Variants in MMP16 observed in about 807,000 individuals in gnomAD.
The protein encoded by MMP16 is matrix metalloproteinase-16.
MMP16 carries 12 observed loss-of-function variants against 67.8 expected under a neutral mutation model. The observed-to-expected ratio is 0.18, with a 90% confidence interval of 0.11 to 0.29. MMP16 has a LOEUF of 0.29. Among genes scored for constraint, MMP16 ranks in the 10% least tolerant of loss-of-function variants. The pLI is 1.00. For missense variants in MMP16, 475 were observed against 765.7 expected (o/e 0.62, Z 4.48); for synonymous variants, 249 against 255.9 (o/e 0.97, Z 0.26).
At chr8:88,158,601 C>A (rs1435496355) in intron 4 of MMP16, among the ~76,000 whole-genome samples, 2 of 152,050 alleles carry the variant, frequency 1.3e-5, no homozygotes, top group African/African-American at 2.4e-5. Context: ...AAAATTTTCT[C>A]CCATTCTGTA....
At chr8:88,157,574 G>A (rs1457267086) in intron 4 of MMP16, among the ~76,000 whole-genome samples, 1 of 151,934 alleles carries the variant, frequency 6.6e-6, no homozygotes, top group Non-Finnish European at 1.5e-5. Context: ...GTCTCTGATA[G>A]AGTGTTTAGA....
chr8:88,149,212 A>G (rs184396650), intron 4 of MMP16, among the ~76,000 whole-genome samples: 13 of 152,304 alleles, frequency 8.5e-5, no homozygotes, highest in African/African-American at 2.9e-4. Flanking sequence ...AGGGTCCTAC[A>G]CCCACGGAAT....
intron 1 of MMP16, among the ~76,000 whole-genome samples, chr8:88,299,364 T>C (rs1240148081): frequency 1.3e-5 from 2 of 152,152 alleles, no homozygotes; most frequent in Non-Finnish European, 2.9e-5. Context: ...TAATTAATGC[T>C]AGCATCGTAT....
chr8:88,046,940 G>A (rs1432719574), intron 8 of MMP16, among the ~76,000 whole-genome samples, 156 bp from the exon 9 acceptor site: 2 of 152,112 alleles, frequency 1.3e-5, no homozygotes, highest in Non-Finnish European at 2.9e-5. Context: ...ACTCCAACTG[G>A]CAAGCTCTTA....
chr8:88,233,552 T>C (rs2129879060), intron 1 of MMP16, among the ~76,000 whole-genome samples: 1 of 152,348 alleles, frequency 6.6e-6, no homozygotes, highest in East Asian at 1.9e-4. Flanking sequence ...GATGCAAGTC[T>C]GATTCCACTA....
rs186888873 is a variant in MMP16, at chr8:88,156,605, C to T, written c.709+11064G>A. Among the ~76,000 whole-genome samples the T allele has an allele frequency of 1.0e-3, 153 of 151,834 alleles. 1 individual carries two copies. The highest frequency in any genetic ancestry group is 1.5e-3 in the Non-Finnish European group (105 of 67,910). On this transcript the variant is annotated intron_variant, in intron 4 of 9. Coordinates refer to ENST00000286614, the MANE Select transcript of MMP16 (RefSeq NM_005941.5). ...GTTTGATAGTGGTATGGTTGTAATT[C>T]TGCAAAAAAAAGTTACAAAACTAAA...
At chr8:88,309,810 C>A (rs1212443577) in intron 1 of MMP16, among the ~76,000 whole-genome samples, 1 of 152,052 alleles carries the variant, frequency 6.6e-6, no homozygotes, top group Non-Finnish European at 1.5e-5. Flanking sequence ...ATATATTTAA[C>A]ATTTATTGAG....
intron 1 of MMP16, among the ~76,000 whole-genome samples, chr8:88,275,357 G>A (rs184633907): frequency 6.6e-6 from 1 of 152,062 alleles, no homozygotes; most frequent in Admixed American, 6.5e-5. Context: ...GTTATATAAT[G>A]CCTTTCCTTA....
At chr8:88,106,231 G>C (rs537993084) in intron 6 of MMP16, among the ~76,000 whole-genome samples, 2 of 150,990 alleles carry the variant, frequency 1.3e-5, no homozygotes, top group African/African-American at 2.4e-5. Context: ...TGTGTATCTG[G>C]GTATACATAG....
chr8:88,090,767 C>A (rs1337758666), intron 6 of MMP16, among the ~76,000 whole-genome samples: 3 of 151,798 alleles, frequency 2.0e-5, no homozygotes, highest in African/African-American at 7.3e-5. Flanking sequence ...TGAAGCTGAA[C>A]AACGAAAACA....
At chr8:88,218,563 T>C (rs985346381) in intron 1 of MMP16, among the ~76,000 whole-genome samples, 3 of 152,052 alleles carry the variant, frequency 2.0e-5, no homozygotes, top group African/African-American at 7.2e-5. Context: ...TGTTTCACAA[T>C]GTATGTTTAT....
At chr8:88,211,234 T>C (rs1279319362) in intron 1 of MMP16, among the ~76,000 whole-genome samples, 1 of 152,120 alleles carries the variant, frequency 6.6e-6, no homozygotes, top group South Asian at 2.1e-4. Context: ...AGGTGGGCCA[T>C]TTTGCTGGAA....
At chr8:88,169,013 T>C (rs1808759499) in intron 3 of MMP16, among the ~76,000 whole-genome samples, 1 of 152,022 alleles carries the variant, frequency 6.6e-6, no homozygotes, top group Admixed American at 6.6e-5. Context: ...AGCTGATAAA[T>C]AAAATATTTA....
intron 1 of MMP16, among the ~76,000 whole-genome samples, chr8:88,261,451 T>A (rs958719441): frequency 6.6e-6 from 1 of 152,062 alleles, no homozygotes; most frequent in African/African-American, 2.4e-5. Flanking sequence ...AATTCTAAAC[T>A]GCAATCCCCT....
chr8:88,234,352 T>G (rs573175626), intron 1 of MMP16, among the ~76,000 whole-genome samples: 5 of 152,296 alleles, frequency 3.3e-5, no homozygotes, highest in African/African-American at 1.2e-4. Flanking sequence ...CCTAAGAATT[T>G]AATAAAAGTT....
chr8:88,312,073 G>A (rs1410899611), intron 1 of MMP16, among the ~76,000 whole-genome samples: 1 of 152,134 alleles, frequency 6.6e-6, no homozygotes, highest in Non-Finnish European at 1.5e-5. Context: ...TAGTGTCAGA[G>A]GAAACACTGA....
intron 4 of MMP16, among the ~76,000 whole-genome samples, chr8:88,142,024 TCTC>T (rs776145718): frequency 1.3e-5 from 2 of 151,856 alleles, no homozygotes; most frequent in Non-Finnish European, 2.9e-5. Context: ...TTCAAGCAAT[TCTC>T]CTGTCTCAGC....
chr8:88,097,413 C>T (rs1432287866), intron 6 of MMP16, among the ~76,000 whole-genome samples: 2 of 151,400 alleles, frequency 1.3e-5, no homozygotes, highest in East Asian at 3.9e-4. Flanking sequence ...ATGACTTGTG[C>T]CCAGGAGTTC....
intron 1 of MMP16, among the ~76,000 whole-genome samples, chr8:88,264,242 C>A (rs1293837824): frequency 6.6e-6 from 1 of 152,132 alleles, no homozygotes; most frequent in African/African-American, 2.4e-5. Flanking sequence ...TGTGTTCTCC[C>A]AGACTGAAGT....
Sources: allele counts gnomAD v4.1 joint callset (sites outside exome capture counted in the v4.1 genomes callset), GRCh38; gene constraint gnomAD v4.1.1; transcripts MANE v1.5; gene names NCBI Gene and HGNC (gene_info 2026-07-23, HGNC 2026-07-21).